Variants in WDR88 observed in about 807,000 individuals in gnomAD.
WDR88 encodes WD repeat domain 88.
A neutral mutation model predicts 46.8 loss-of-function variants in WDR88; 40 were observed. The observed-to-expected ratio is 0.86, with a 90% CI of 0.66 to 1.11. The LOEUF (loss-of-function observed/expected upper bound fraction) is 1.11, where lower values mean the gene tolerates loss of function less well. WDR88 is among the 50% of genes most tolerant of loss of function. The pLI is 0.00. For missense variants in WDR88, 562 were observed against 602.4 expected (o/e 0.93, Z 0.70); for synonymous variants, 235 against 240.7 (o/e 0.98, Z 0.22).
chr19:33,143,410 G>C (rs933027238), intron 2 of WDR88, among the ~76,000 whole-genome samples: 1 of 150,246 alleles, frequency 6.7e-6, no homozygotes, highest in African/African-American at 2.4e-5. Context: ...TTTGGAGGTT[G>C]AGGCAGGAGG....
At chr19:33,165,565 G>A (rs749138905) in intron 9 of WDR88, among the ~76,000 whole-genome samples, 2 of 152,108 alleles carry the variant, frequency 1.3e-5, no homozygotes, top group Non-Finnish European at 2.9e-5. Context: ...GTAATTAACA[G>A]TAGGGCAAAT....
chr19:33,165,728 A>C (rs1973942286), intron 9 of WDR88, among the ~76,000 whole-genome samples: 1 of 151,646 alleles, frequency 6.6e-6, no homozygotes, highest in African/African-American at 2.4e-5. Context: ...CCCCGTCTTT[A>C]CTAAAAATAC....
At chr19:33,132,923 G>A (rs1033083784) in intron 1 of WDR88, among the ~76,000 whole-genome samples, 4 of 152,164 alleles carry the variant, frequency 2.6e-5, no homozygotes, top group Non-Finnish European at 5.9e-5. Context: ...CCTTTGGGAG[G>A]CCCAGGTGGG....
intron 3 of WDR88, among the ~76,000 whole-genome samples, 174 bp from the exon 4 acceptor site, chr19:33,147,471 C>G (rs531264819): frequency 1.3e-5 from 2 of 151,482 alleles, no homozygotes; most frequent in African/African-American, 4.9e-5. Context: ...GGCGTGGTGG[C>G]GGGCGCCTGT....
chr19:33,141,891 G>A (rs1189407862), intron 2 of WDR88, among the ~76,000 whole-genome samples: 1 of 152,132 alleles, frequency 6.6e-6, no homozygotes, highest in Non-Finnish European at 1.5e-5. Context: ...ATGTTGGCCA[G>A]GCTGGTCTCA....
intron 7 of WDR88, among the ~76,000 whole-genome samples, chr19:33,159,640 C>A (rs1409492474): frequency 6.6e-6 from 1 of 151,946 alleles, no homozygotes; most frequent in South Asian, 2.1e-4. Context: ...CCTGTATTTC[C>A]CCTAGGAGCG....
At chr19:33,164,333 C>T (rs993260312) in intron 9 of WDR88, 68 bp downstream of exon 9, 6 of 1,479,214 alleles carry the variant, frequency 4.1e-6, no homozygotes, top group Non-Finnish European at 5.7e-6. Context: ...AGAGTTATTG[C>T]CAAGTATAAA....
intron 7 of WDR88, among the ~76,000 whole-genome samples, chr19:33,157,908 G>T (rs1329257984): frequency 6.6e-6 from 1 of 151,308 alleles, no homozygotes; most frequent in Non-Finnish European, 1.5e-5. Context: ...TCACTTAGGG[G>T]GCAACGAAAG....
At position 33,132,367 on chromosome 19, in the gene WDR88, A is replaced by G. The variant is rs1425875010; in HGVS notation, c.198A>G (p.Glu66=). The G allele has an allele frequency of 3.7e-6, 6 of 1,614,058 alleles. No homozygotes were observed. The East Asian group carries it at 1.1e-4, about 30-fold the overall frequency. The change falls in exon 1 of 11, where the codon GAA becomes GAG. Residue 66 remains glutamate (E), a synonymous_variant. Coordinates refer to ENST00000355868, the MANE Select transcript of WDR88 (RefSeq NM_173479.4). ...ATLDPLALDR[E]PPPHLLPEKH... is the part of the protein sequence containing the mutation. ...TCGACCCCCTGGCCTTGGACAGGGA[A>G]CCACCACCGCATCTGTTGCCTGAGA...
At chr19:33,162,042 C>G (rs1225725637) in intron 8 of WDR88, among the ~76,000 whole-genome samples, 1 of 152,072 alleles carries the variant, frequency 6.6e-6, no homozygotes, top group Non-Finnish European at 1.5e-5. Context: ...GCGGTTTAAC[C>G]TTCCCTCTGA....
intron 10 of WDR88, chr19:33,174,512 T>C (rs1974092551): frequency 1.0e-6 from 1 of 985,330 alleles, no homozygotes; most frequent in Non-Finnish European, 1.2e-6. Context: ...GCAGACGTGA[T>C]GGGTGAGCTG....
Position 33,162,062 on chromosome 19 carries a change from C to G in WDR88, c.1080+1566C>G, listed in dbSNP as rs567971619. On this transcript the variant is annotated intron_variant, in intron 8 of 10. Transcript: ENST00000355868. ...TTAACCTTCCCTCTGATTCCTTTTT[C>G]TCTAACCACACTATGGCCTCACTTT... is the stretch of plus-strand genomic sequence containing the variant. 3.9e-5 allele frequency among the ~76,000 whole-genome samples: 6 copies of G among 152,304 alleles called. No individual in the cohort carries two copies. In the East Asian group the frequency reaches 1.2e-3, roughly 29 times the overall value.
chr19:33,132,572 C>T, intron 1 of WDR88, 127 bp downstream of exon 1: 1 of 1,359,480 alleles, frequency 7.4e-7, no homozygotes, highest in South Asian at 1.4e-5. Flanking sequence ...AGGCCCTAGG[C>T]CCATTTCCCC....
intron 3 of WDR88, among the ~76,000 whole-genome samples, chr19:33,146,158 G>T (rs992059449): frequency 6.6e-6 from 1 of 152,158 alleles, no homozygotes; most frequent in African/African-American, 2.4e-5. Flanking sequence ...TTAGTCGGGC[G>T]TAGTGGCACA....
chr19:33,148,800 T>C lies in WDR88; in HGVS notation c.569T>C (p.Val190Ala). Residue 190 changes from valine (V) to alanine (A), a missense_variant, in exon 5 of 11, where the codon GTC (valine) becomes GCC (alanine). By Grantham distance (64) the Val-to-Ala change is moderately conservative. Coordinates refer to ENST00000355868, the MANE Select transcript of WDR88 (RefSeq NM_173479.4). ...AAGGTCAGGTATGATACCTTCATCG[T>C]CTCCTGTAAGTTTTCTCCTGATGGT... ...LWKVRYDTFI[V>A]SCKFSPDGKY... 1 of 1,614,110 alleles carries C rather than the reference T, an allele frequency of 6.2e-7. No homozygotes were observed. The highest frequency in any genetic ancestry group is 1.3e-5 in the African/African-American group (1 of 75,028).
intron 6 of WDR88, among the ~76,000 whole-genome samples, chr19:33,153,117 C>T (rs1429740257): frequency 2.0e-5 from 3 of 152,044 alleles, no homozygotes; most frequent in Non-Finnish European, 4.4e-5. Context: ...GTGACGTGAT[C>T]ATAGCTCACT....
chr19:33,157,679 GTATGTATGTATATA>G (rs1318915048), intron 7 of WDR88, among the ~76,000 whole-genome samples: 25 of 94,188 alleles, frequency 2.7e-4, no homozygotes, highest in Middle Eastern at 5.4e-3. Flanking sequence ...GTGTGTGTGT[GTATGTATGTATATA>G]TATATATATA....
At chr19:33,157,201 A>G (rs1973751949) in intron 7 of WDR88, among the ~76,000 whole-genome samples, 1 of 145,766 alleles carries the variant, frequency 6.9e-6, no homozygotes, top group Non-Finnish European at 1.5e-5. Context: ...TGTGTCTAAA[A>G]AGAAAAAAAA....
At chr19:33,171,837 G>T (rs1049569754) in intron 9 of WDR88, among the ~76,000 whole-genome samples, 1 of 152,080 alleles carries the variant, frequency 6.6e-6, no homozygotes, top group Non-Finnish European at 1.5e-5. Context: ...GCAGTGGTGC[G>T]ATCTTGGCTC....
Sources: allele counts gnomAD v4.1 joint callset (sites outside exome capture counted in the v4.1 genomes callset), GRCh38; gene constraint gnomAD v4.1.1; transcripts MANE v1.5; gene names NCBI Gene and HGNC (gene_info 2026-07-23, HGNC 2026-07-21).